Variants in LRRC69 observed in about 807,000 individuals in gnomAD.
LRRC69 encodes the protein leucine-rich repeat-containing protein 69.
In LRRC69, 42 loss-of-function variants were observed where a neutral mutation model predicts 37.8. That is an observed-to-expected ratio of 1.11 (90% CI 0.87 to 1.44). The LOEUF is 1.44. Among genes scored for constraint, LRRC69 ranks in the 40% most tolerant of loss-of-function variants. The probability of loss-of-function intolerance (pLI) is 0.00; values close to 1 mark genes in which losing one functional copy is unlikely to be tolerated. For missense variants in LRRC69, 357 were observed against 401.9 expected (o/e 0.89, Z 0.96); for synonymous variants, 141 against 143.1 (o/e 0.99, Z 0.11).
At chr8:91,102,993 A>G in intron 1 of LRRC69, 149 bp downstream of exon 1, 2 of 730,784 alleles carry the variant, frequency 2.7e-6, no homozygotes, top group Admixed American at 3.3e-5. Flanking sequence ...CTGGAGAGGC[A>G]TCAGAAGGCT....
intron 6 of LRRC69, among the ~76,000 whole-genome samples, chr8:91,195,448 A>G (rs1809580324): frequency 6.6e-6 from 1 of 151,816 alleles, no homozygotes. Flanking sequence ...GTGGGGTGTT[A>G]AAGTCTCCCA....
chr8:91,139,259 C>A (rs972831524), intron 5 of LRRC69: 3 of 151,490 alleles, frequency 2.0e-5, no homozygotes, highest in African/African-American at 7.3e-5. Flanking sequence ...ATAAAAGTTT[C>A]GGCCGGGTGC....
intron 5 of LRRC69, among the ~76,000 whole-genome samples, chr8:91,150,231 T>C (rs920840322): frequency 6.6e-6 from 1 of 152,004 alleles, no homozygotes; most frequent in African/African-American, 2.4e-5. Flanking sequence ...TTGTCATAGA[T>C]AGCTCTTATT....
chr8:91,216,012 T>C (rs570846268), intron 7 of LRRC69, among the ~76,000 whole-genome samples: 5 of 152,294 alleles, frequency 3.3e-5, no homozygotes, highest in South Asian at 4.1e-4. Context: ...GATGGAAAAG[T>C]GTAATACCAA....
intron 5 of LRRC69, among the ~76,000 whole-genome samples, chr8:91,166,462 A>G (rs1444675945): frequency 2.7e-5 from 4 of 145,544 alleles, no homozygotes; most frequent in Non-Finnish European, 6.0e-5. Flanking sequence ...ATGAGAGAAC[A>G]GATGGGAAGA....
intron 5 of LRRC69, chr8:91,157,931 TA>T (rs1369716744): frequency 1.3e-6 from 2 of 1,510,592 alleles, no homozygotes; most frequent in African/African-American, 2.8e-5. Context: ...GTATCGGCAG[TA>T]TACTGATTGC....
intron 4 of LRRC69, among the ~76,000 whole-genome samples, chr8:91,135,359 C>T (rs1291467240): frequency 6.6e-6 from 1 of 151,988 alleles, no homozygotes; most frequent in Non-Finnish European, 1.5e-5. Context: ...AATTGAAGTA[C>T]AAAGCAATTA....
intron 7 of LRRC69, among the ~76,000 whole-genome samples, chr8:91,215,577 T>C (rs1810029742): frequency 6.6e-6 from 1 of 152,166 alleles, no homozygotes; most frequent in Non-Finnish European, 1.5e-5. Context: ...CAAATATTAA[T>C]GGTGAAAAAG....
Position 91,208,248 on chromosome 8 carries a change from A to T in LRRC69, c.933+7456A>T, listed in dbSNP as rs572835811. 2.0e-5 allele frequency among the ~76,000 whole-genome samples: 3 copies of T among 152,290 alleles called. No homozygotes were observed. In the South Asian group the frequency reaches 6.2e-4, roughly 32 times the overall value. On this transcript the variant is annotated intron_variant, in intron 7 of 7. Transcript: ENST00000448384. ...AGAGTTGTTGAAGTAGTGGGGTATGATGACATTTTTGCTTGACAAAGAGAG... is the reference window on the plus strand; with the variant it reads ...AGAGTTGTTGAAGTAGTGGGGTATGTTGACATTTTTGCTTGACAAAGAGAG...
At chr8:91,142,400 T>G (rs374290124) in intron 5 of LRRC69, among the ~76,000 whole-genome samples, 5 of 152,130 alleles carry the variant, frequency 3.3e-5, no homozygotes, top group African/African-American at 4.8e-5. Flanking sequence ...ATGAATACTT[T>G]GCTGTTATCT....
At chr8:91,125,786 A>G (rs1284182975) in intron 2 of LRRC69, among the ~76,000 whole-genome samples, 1 of 151,722 alleles carries the variant, frequency 6.6e-6, no homozygotes, top group African/African-American at 2.4e-5. Flanking sequence ...ATCTGTATCT[A>G]TATCTGTTTA....
At chr8:91,200,923 A>G in intron 7 of LRRC69, 131 bp downstream of exon 7, 1 of 804,868 alleles carries the variant, frequency 1.2e-6, no homozygotes, top group Non-Finnish European at 1.8e-6. Flanking sequence ...TAAATTTTGG[A>G]TAGACAAATT....
intron 3 of LRRC69, chr8:91,130,657 G>T (rs536876632): frequency 6.6e-6 from 1 of 151,972 alleles, no homozygotes; most frequent in Admixed American, 6.6e-5. Flanking sequence ...GTACATTTGG[G>T]TTATTTCCAG....
intron 5 of LRRC69, among the ~76,000 whole-genome samples, chr8:91,139,399 G>A (rs541609030): frequency 1.3e-5 from 2 of 151,990 alleles, no homozygotes; most frequent in East Asian, 3.9e-4. Context: ...AAAATTAGCA[G>A]GGCGTGGTGG....
chr8:91,111,425 T>A (rs1169314139), intron 1 of LRRC69, among the ~76,000 whole-genome samples: 1 of 151,852 alleles, frequency 6.6e-6, no homozygotes, highest in African/African-American at 2.4e-5. Flanking sequence ...TCCCAGCTAC[T>A]CGGGAGGCTG....
rs531117882 is a variant in LRRC69, at chr8:91,116,587, C to A, written c.184-7906C>A. ...TGTGCATATGTATGATCATTCTGAG[C>A]AATAGTAAATTCCTTTTAAAGATGC... On this transcript the variant is annotated intron_variant, in intron 1 of 7. Coordinates refer to ENST00000448384, the Ensembl canonical transcript of LRRC69. Among the ~76,000 whole-genome samples, 4 of 151,836 alleles carry A rather than the reference C, an allele frequency of 2.6e-5. No individual in the cohort carries two copies. In the East Asian group the frequency reaches 7.7e-4, roughly 29 times the overall value.
chr8:91,162,618 C>T (rs979727376), intron 5 of LRRC69, among the ~76,000 whole-genome samples: 2 of 151,346 alleles, frequency 1.3e-5, no homozygotes, highest in Non-Finnish European at 3.0e-5. Flanking sequence ...CTTTTCCCAT[C>T]CCTTAACTTT....
chr8:91,171,593 AT>A (rs1224568848), intron 5 of LRRC69, among the ~76,000 whole-genome samples: 1 of 152,014 alleles, frequency 6.6e-6, no homozygotes, highest in African/African-American at 2.4e-5. Flanking sequence ...GTCTTGAAAT[AT>A]TTTTAGCCCT....
chr8:91,108,519 T>C (rs1002264590), intron 1 of LRRC69, among the ~76,000 whole-genome samples: 5 of 152,054 alleles, frequency 3.3e-5, no homozygotes, highest in African/African-American at 1.2e-4. Flanking sequence ...TGTGTTGTAC[T>C]ATGAGTCTCT....
Sources: gnomAD v4.1 joint callset for allele counts (sites outside exome capture counted in the v4.1 genomes callset) on GRCh38, gnomAD v4.1.1 for gene constraint, MANE v1.5 for transcripts, NCBI Gene and HGNC (gene_info 2026-07-23, HGNC 2026-07-21) for gene names.